CD2AP: variants seen among roughly 807,000 people sequenced by gnomAD.
CD2AP encodes the protein CD2-associated protein.
CD2AP carries 46 observed loss-of-function variants against 85.1 expected under a neutral mutation model. The observed-to-expected ratio is 0.54, with a 90% CI of 0.43 to 0.69. The LOEUF (loss-of-function observed/expected upper bound fraction) is 0.69, where lower values mean the gene tolerates loss of function less well. Ranked by LOEUF, CD2AP falls within the 30% of genes least tolerant of loss-of-function variation. The probability of loss-of-function intolerance (pLI) is 0.00; values close to 1 mark genes in which losing one functional copy is unlikely to be tolerated. For missense variants in CD2AP, 769 were observed against 729.5 expected (o/e 1.05, Z -0.62); for synonymous variants, 255 against 252.9 (o/e 1.01, Z -0.08).
chr6:47,505,646 G>A (rs867394105), intron 2 of CD2AP, among the ~76,000 whole-genome samples: 15 of 85,312 alleles, frequency 1.8e-4, no homozygotes, highest in Non-Finnish European at 2.4e-4. Flanking sequence ...CCTCCCTCCC[G>A]GACGGGGCGG....
In CD2AP at chr6:47,620,129, C is replaced by T. The variant is rs563924362; in HGVS notation, c.1879-4057C>T. ...CTTTTGGGTTTTTGTTCATGAAATC[C>T]TTGCCTGTGCCAATAACTAGAAGGG... On this transcript the variant is annotated intron_variant, in intron 17 of 17. Transcript: ENST00000359314. Among the ~76,000 whole-genome samples the T allele has an allele frequency of 3.9e-5, 6 of 152,256 alleles. No individual in the cohort carries two copies. The South Asian group carries it at 1.2e-3, about 32-fold the overall frequency.
intron 8 of CD2AP, among the ~76,000 whole-genome samples, chr6:47,577,379 A>T (rs888441809): frequency 2.0e-4 from 30 of 151,842 alleles, no homozygotes; most frequent in African/African-American, 5.5e-4. Flanking sequence ...CTTTTTTTTT[A>T]AAATTAACCT....
intron 5 of CD2AP, among the ~76,000 whole-genome samples, chr6:47,569,199 C>T (rs1768081889): frequency 6.6e-6 from 1 of 152,046 alleles, no homozygotes; most frequent in African/African-American, 2.4e-5. Flanking sequence ...TGTTGATCAT[C>T]TTGACATACT....
chr6:47,489,967 CT>C lies in CD2AP; in HGVS notation c.4+11742del, dbSNP rs71684059. 9.9e-3 allele frequency among the ~76,000 whole-genome samples: 1,208 copies of C among 121,604 alleles called. 21 individuals are homozygous for C. The highest frequency in any genetic ancestry group is 0.032 in the African/African-American group (964 of 29,822). The allele number at this position is 121,604 out of a possible 152,430, so 79.8% of individuals were successfully genotyped here. A position where few individuals can be genotyped will look rare whatever the true frequency, so the allele number is the denominator to read the frequency against. ...TGAGTAACTATTTTCTCTAAAGAGA[CT>C]TTTTTTTTTTTTTTTTTTTTTTAAA... On this transcript the variant is annotated intron_variant, in intron 1 of 17. Coordinates refer to ENST00000359314, the MANE Select transcript of CD2AP (RefSeq NM_012120.3).
rs182500041 is a variant in CD2AP, at chr6:47,586,427, T to C, written c.1108+4362T>C. The stretch of plus-strand genomic sequence containing the variant: ...AGTGACAATATCAAGTGGTTTTACT[T>C]ACCTGTAATTGGGGTACCTAATGGA... On this transcript the variant is annotated intron_variant, in intron 11 of 17. Coordinates refer to ENST00000359314, the MANE Select transcript of CD2AP (RefSeq NM_012120.3). Among the ~76,000 whole-genome samples the C allele has an allele frequency of 3.9e-5, 6 of 152,284 alleles. No homozygotes were observed. In the East Asian group the frequency reaches 1.2e-3, roughly 29 times the overall value.
chr6:47,478,286 C>T (rs1765357330), intron 1 of CD2AP, 38 bp downstream of exon 1: 1 of 1,565,260 alleles, frequency 6.4e-7, no homozygotes, highest in African/African-American at 1.4e-5. Flanking sequence ...CCGTCCGGAC[C>T]TTCCAGACCC....
chr6:47,491,053 G>C (rs1352333742), intron 1 of CD2AP, among the ~76,000 whole-genome samples: 1 of 151,988 alleles, frequency 6.6e-6, no homozygotes, highest in East Asian at 1.9e-4. Context: ...TAATGGATCT[G>C]GTACCTAACT....
intron 3 of CD2AP, among the ~76,000 whole-genome samples, chr6:47,537,768 T>TA (rs942545566): frequency 4.6e-5 from 7 of 152,030 alleles, no homozygotes; most frequent in African/African-American, 1.7e-4. Context: ...GCCTAAGCAT[T>TA]ACGATTTTTT....
intron 1 of CD2AP, among the ~76,000 whole-genome samples, chr6:47,490,676 GTTT>G (rs1765711186): frequency 6.6e-6 from 1 of 151,934 alleles, no homozygotes; most frequent in African/African-American, 2.4e-5. Flanking sequence ...CTTTGATTAA[GTTT>G]TTTTGGTGGA....
intron 2 of CD2AP, among the ~76,000 whole-genome samples, chr6:47,509,865 AT>A (rs1766269196): frequency 6.6e-6 from 1 of 152,172 alleles, no homozygotes; most frequent in Non-Finnish European, 1.5e-5. Context: ...TTTAGAGAAA[AT>A]TTATTGCAGT....
chr6:47,584,002 G>A (rs778131415), intron 11 of CD2AP, among the ~76,000 whole-genome samples: 8 of 152,104 alleles, frequency 5.3e-5, no homozygotes, highest in Admixed American at 1.3e-4. Context: ...TTGCAATTCC[G>A]TAATGATATA....
chr6:47,490,875 A>G (rs1242528420), intron 1 of CD2AP, among the ~76,000 whole-genome samples: 1 of 152,168 alleles, frequency 6.6e-6, no homozygotes, highest in Non-Finnish European at 1.5e-5. Flanking sequence ...CAGTTTGTTC[A>G]CTATCTTAAG....
At chr6:47,519,865 G>A (rs1454703811) in intron 2 of CD2AP, among the ~76,000 whole-genome samples, 2 of 152,154 alleles carry the variant, frequency 1.3e-5, no homozygotes, top group African/African-American at 2.4e-5. Context: ...AAAGAAGTTA[G>A]TAGTTTTCAA....
At chr6:47,585,140 TAA>T (rs993329674) in intron 11 of CD2AP, among the ~76,000 whole-genome samples, 1 of 133,622 alleles carries the variant, frequency 7.5e-6, no homozygotes. Flanking sequence ...AAAAATAAAA[TAA>T]AAAAAAAAAA....
chr6:47,612,808 G>A lies in CD2AP; in HGVS notation c.1878+272G>A, dbSNP rs116070424. Reference sequence around the variant, plus strand: ...TGTGGGAGCTAAAAAAAATTGAAACGATTGAACTCATAGAGATAGAGAACA... The same window carrying A: ...TGTGGGAGCTAAAAAAAATTGAAACAATTGAACTCATAGAGATAGAGAACA... On this transcript the variant is annotated intron_variant, in intron 17 of 17. Coordinates refer to ENST00000359314, the MANE Select transcript of CD2AP (RefSeq NM_012120.3). Among the ~76,000 whole-genome samples, 1,200 of 152,206 alleles carry A rather than the reference G, an allele frequency of 7.9e-3. 14 individuals carry two copies. Among genetic ancestry groups the A allele is most frequent in the African/African-American group, 0.027 (1,120 of 41,540 alleles).
At chr6:47,604,943 A>AT (rs1769230079) in intron 13 of CD2AP, among the ~76,000 whole-genome samples, 1 of 152,048 alleles carries the variant, frequency 6.6e-6, no homozygotes. Flanking sequence ...TATAAAATGC[A>AT]TATTACCGAA....
At chr6:47,484,247 T>C (rs1411151746) in intron 1 of CD2AP, among the ~76,000 whole-genome samples, 4 of 152,176 alleles carry the variant, frequency 2.6e-5, no homozygotes, top group Admixed American at 6.5e-5. Context: ...GAGACCATGC[T>C]GTACTCATTT....
chr6:47,517,283 TC>T (rs1483929535), intron 2 of CD2AP, among the ~76,000 whole-genome samples: 3 of 150,988 alleles, frequency 2.0e-5, no homozygotes, highest in Non-Finnish European at 2.9e-5. Flanking sequence ...CAATTAAACT[TC>T]TTTTTTTTTT....
At chr6:47,600,533 G>T (rs1257677309) in intron 13 of CD2AP, among the ~76,000 whole-genome samples, 2 of 151,754 alleles carry the variant, frequency 1.3e-5, no homozygotes, top group Non-Finnish European at 2.9e-5. Context: ...ACATCTTATA[G>T]ATCCTTTTGT....
Sources: gnomAD v4.1 joint callset for allele counts (sites outside exome capture counted in the v4.1 genomes callset) on GRCh38, gnomAD v4.1.1 for gene constraint, MANE v1.5 for transcripts, NCBI Gene and HGNC (gene_info 2026-07-23, HGNC 2026-07-21) for gene names.